Variants in CLCA1 observed in about 807,000 individuals in gnomAD.
The protein encoded by CLCA1 is chloride channel accessory 1, also known as calcium-activated chloride channel regulator 1.
In CLCA1, 59 loss-of-function variants were observed where a neutral mutation model predicts 85.6. The observed-to-expected ratio is 0.69, with a 90% confidence interval of 0.56 to 0.86. CLCA1 has a LOEUF of 0.86. Ranked by LOEUF, CLCA1 falls within the 40% of genes least tolerant of loss-of-function variation. CLCA1 has a pLI of 0.00. For synonymous variants in CLCA1, 396 were observed against 398.3 expected (o/e 0.99, Z 0.07); for missense variants, 1,022 against 1,101.4 (o/e 0.93, Z 1.02).
Position 86,491,284 on chromosome 1 carries a change from T to C in CLCA1, c.1377T>C (p.Ala459=). ...SKMTGGLQTY[A]SDQVQNNGLI... ...TTTTAGGAGGTTTACAGACATATGCTTCAGATCAAGTTCAGAACAATGGCC... is the reference window on the plus strand; with the variant it reads ...TTTTAGGAGGTTTACAGACATATGCCTCAGATCAAGTTCAGAACAATGGCC... The change falls in exon 9 of 14, where the codon GCT becomes GCC. Residue 459 remains alanine, a synonymous_variant. Transcript: ENST00000394711. The C allele has an allele frequency of 6.2e-7, 1 of 1,613,292 alleles. No homozygotes were observed. Among genetic ancestry groups the C allele is most frequent in the South Asian group, 1.1e-5 (1 of 90,994 alleles).
chr1:86,488,408 T>A (rs910182204), intron 7 of CLCA1, among the ~76,000 whole-genome samples: 1 of 152,214 alleles, frequency 6.6e-6, no homozygotes, highest in African/African-American at 2.4e-5. Context: ...CCAGGAGTAG[T>A]TGAGACATAG....
chr1:86,489,311 T>C, intron 8 of CLCA1, 141 bp downstream of exon 8: 1 of 758,106 alleles, frequency 1.3e-6, no homozygotes, highest in Non-Finnish European at 2.1e-6. Context: ...TACCCCTGAA[T>C]GACTGTTTAA....
chr1:86,479,022 A>G (rs1264510993), intron 4 of CLCA1, among the ~76,000 whole-genome samples: 1 of 152,196 alleles, frequency 6.6e-6, no homozygotes, highest in Non-Finnish European at 1.5e-5. Context: ...CAATTATTCA[A>G]TCTTGCTTAG....
At chr1:86,469,955 T>C (rs1647456131) in intron 1 of CLCA1, among the ~76,000 whole-genome samples, 2 of 152,208 alleles carry the variant, frequency 1.3e-5, no homozygotes, top group South Asian at 4.1e-4. Context: ...GGGTGGAGTA[T>C]GTAAGAATAC....
intron 12 of CLCA1, among the ~76,000 whole-genome samples, chr1:86,496,425 G>A (rs1419064243): frequency 6.6e-6 from 1 of 152,134 alleles, no homozygotes; most frequent in African/African-American, 2.4e-5. Flanking sequence ...GTGTAAGCAG[G>A]TGGGAAAATT....
In CLCA1 at chr1:86,489,403, G is replaced by T. The variant is rs374176827; in HGVS notation, c.1357+233G>T. ...AAGATGGAACTAGCACAGCACTCTA[G>T]TGAGGACTCAGGACCTTCTTCCCGG... On this transcript the variant is annotated intron_variant, in intron 8 of 13. Transcript: ENST00000394711. Among the ~76,000 whole-genome samples the T allele has an allele frequency of 1.3e-4, 20 of 152,338 alleles. No homozygotes were observed. The East Asian group carries it at 3.9e-3, about 29-fold the overall frequency.
intron 4 of CLCA1, among the ~76,000 whole-genome samples, chr1:86,480,119 C>T (rs1197251436): frequency 2.0e-5 from 3 of 151,674 alleles, no homozygotes; most frequent in African/African-American, 7.3e-5. Context: ...GTATCAAATC[C>T]CTAGATAACA....
In CLCA1 at chr1:86,476,546, G is replaced by A. The variant is rs1200255682; in HGVS notation, c.550G>A (p.Ala184Thr). 8.1e-6 allele frequency: 12 copies of A among 1,477,692 alleles called. No individual in the cohort carries two copies. The highest frequency in any genetic ancestry group is 1.0e-5 in the Non-Finnish European group (11 of 1,056,738). The allele number at this position is 1,477,692 out of a possible 1,614,324, so 91.5% of individuals were successfully genotyped here. The part of the protein sequence containing the change: ...KFYLSNGRIQ[A>T]VRCSAGITGT... ...CTACTTATCCAATGGAAGAATACAA[G>A]CAGTAAGGTATGTATATTTTGATTT... The change falls in exon 4 of 14, where the codon GCA becomes ACA. Residue 184 changes from alanine to threonine, a missense_variant. By Grantham distance (58) the Ala-to-Thr change is moderately conservative (BLOSUM62 0). Transcript: ENST00000394711.
At chr1:86,497,253 G>C (rs536930963) in intron 12 of CLCA1, among the ~76,000 whole-genome samples, 21 of 152,188 alleles carry the variant, frequency 1.4e-4, no homozygotes, top group Admixed American at 1.2e-3. Flanking sequence ...TCTATCCCTC[G>C]ATAAGCCTTA....
intron 12 of CLCA1, 121 bp from the exon 13 acceptor site, chr1:86,498,451 T>A: frequency 1.1e-6 from 1 of 909,126 alleles, no homozygotes; most frequent in South Asian, 1.7e-5. Context: ...ATTAATTCTG[T>A]GTGTGGAAGG....
intron 7 of CLCA1, among the ~76,000 whole-genome samples, chr1:86,487,082 GT>G (rs1553187866): frequency 2.0e-5 from 3 of 152,200 alleles, no homozygotes; most frequent in Non-Finnish European, 1.5e-5. Flanking sequence ...ATGGCCTGAT[GT>G]GGACAATGGG....
chr1:86,488,910 C>A (rs935222454), intron 7 of CLCA1, 86 bp from the exon 8 acceptor site: 26 of 1,178,060 alleles, frequency 2.2e-5, no homozygotes, highest in Non-Finnish European at 3.0e-5. Flanking sequence ...TCTAGAATTT[C>A]TTTTCTCCTT....
intron 4 of CLCA1, among the ~76,000 whole-genome samples, chr1:86,479,931 CAT>C (rs1484634303): frequency 6.6e-6 from 1 of 152,088 alleles, no homozygotes; most frequent in Non-Finnish European, 1.5e-5. Context: ...AGACATTACA[CAT>C]ATGATAATTT....
chr1:86,475,050 A>G (rs1050454262), intron 3 of CLCA1, among the ~76,000 whole-genome samples: 1 of 152,188 alleles, frequency 6.6e-6, no homozygotes, highest in Non-Finnish European at 1.5e-5. Context: ...TTGTTGTTCT[A>G]CAACACATTT....
intron 7 of CLCA1, among the ~76,000 whole-genome samples, chr1:86,487,776 G>A (rs2101740861): frequency 6.6e-6 from 1 of 152,276 alleles, no homozygotes; most frequent in Admixed American, 6.5e-5. Flanking sequence ...ATACTCCTCA[G>A]CCTCTGTGGC....
chr1:86,489,269 T>G (rs1050808811), intron 8 of CLCA1, 99 bp downstream of exon 8: 1 of 1,153,646 alleles, frequency 8.7e-7, no homozygotes. Context: ...TGGAGAGAGA[T>G]AGGATAACCT....
Position 86,489,007 on chromosome 1 carries a change from G to C in CLCA1, c.1194G>C (p.Lys398Asn), listed in dbSNP as rs1648064846. The change falls in exon 8 of 14, where the codon AAG becomes AAC. Residue 398 changes from lysine to asparagine, a missense_variant. By Grantham distance (94) the Lys-to-Asn change is moderately conservative (BLOSUM62 0). Coordinates refer to ENST00000394711, the MANE Select transcript of CLCA1 (RefSeq NM_001285.4). ...AATTCTGTCCTTAGGTGATTAGGAAGAAATATCCAACTGATGGATCTGAAA... is the reference window on the plus strand; with the variant it reads ...AATTCTGTCCTTAGGTGATTAGGAACAAATATCCAACTGATGGATCTGAAA... ...GLRSAFTVIR[K>N]KYPTDGSEIV... The C allele has an allele frequency of 1.2e-6, 2 of 1,613,936 alleles. No individual in the cohort carries two copies. The highest frequency in any genetic ancestry group is 2.7e-5 in the African/African-American group (2 of 75,046).
At chr1:86,484,144 T>C (rs936374594) in intron 5 of CLCA1, among the ~76,000 whole-genome samples, 2 of 152,126 alleles carry the variant, frequency 1.3e-5, no homozygotes, top group Admixed American at 6.5e-5. Context: ...CAAATCAAGA[T>C]GAGATTTGGG....
chr1:86,473,317 A>C, intron 1 of CLCA1, 100 bp from the exon 2 acceptor site: 1 of 817,390 alleles, frequency 1.2e-6, no homozygotes, highest in Non-Finnish European at 1.9e-6. Flanking sequence ...TTAACAAATA[A>C]CAAGTTTTTG....
Sources: gnomAD v4.1 joint callset for allele counts (sites outside exome capture counted in the v4.1 genomes callset) on GRCh38, gnomAD v4.1.1 for gene constraint, MANE v1.5 for transcripts, NCBI Gene and HGNC (gene_info 2026-07-23, HGNC 2026-07-21) for gene names.